Variants in VPS35L observed in about 807,000 individuals in gnomAD.
VPS35L encodes the protein VPS35 endosomal protein sorting factor like.
VPS35L carries 83 observed loss-of-function variants against 133.0 expected under a neutral mutation model. The ratio of observed to expected loss-of-function variants is 0.62; its 90% confidence interval spans 0.52 to 0.75. The LOEUF is 0.75. VPS35L is among the 30% of genes least tolerant of loss of function. The pLI, the probability that VPS35L is intolerant of heterozygous loss-of-function variation, is 0.00. For missense variants in VPS35L, 1,083 were observed against 1,206.8 expected, an observed-to-expected ratio of 0.90 and a Z score of 1.52; for synonymous variants, 423 against 449.9, an observed-to-expected ratio of 0.94 and a Z score of 0.76.
At chr16:19,616,488 A>C (rs538059503) in intron 13 of VPS35L, among the ~76,000 whole-genome samples, 198 bp from the exon 14 acceptor site, 2 of 151,806 alleles carry the variant, frequency 1.3e-5, no homozygotes, top group Admixed American at 1.3e-4. Context: ...CTCATTCCCA[A>C]AACAGCTCGG....
At chr16:19,562,452 T>C (rs1362178589) in intron 1 of VPS35L, among the ~76,000 whole-genome samples, 1 of 152,072 alleles carries the variant, frequency 6.6e-6, no homozygotes, top group African/African-American at 2.4e-5. Context: ...TTTGTCACTT[T>C]CCATACTAGC....
At chr16:19,560,350 T>G (rs2151497118) in intron 1 of VPS35L, among the ~76,000 whole-genome samples, 1 of 152,322 alleles carries the variant, frequency 6.6e-6, no homozygotes, top group South Asian at 2.1e-4. Context: ...CATATTTCTG[T>G]TTTGATCTAG....
At chr16:19,685,696 G>A (rs114559645) in intron 28 of VPS35L, among the ~76,000 whole-genome samples, 1 of 152,164 alleles carries the variant, frequency 6.6e-6, no homozygotes, top group South Asian at 2.1e-4. Context: ...TCTTTTTCAT[G>A]TCAGCTGTTC....
intron 21 of VPS35L, among the ~76,000 whole-genome samples, chr16:19,641,799 CA>C (rs55704202): frequency 0.35 from 52,615 of 151,970 alleles, 9,328 homozygotes; most frequent in East Asian, 0.37. Context: ...TAGTTAAAAA[CA>C]AACAAACAAA....
At chr16:19,628,502 C>A in intron 16 of VPS35L, 135 bp from the exon 17 acceptor site, 1 of 526,078 alleles carries the variant, frequency 1.9e-6, no homozygotes, top group Non-Finnish European at 3.4e-6. Flanking sequence ...TGTGATAGAA[C>A]TTTAGAAGGA....
intron 26 of VPS35L, 159 bp downstream of exon 26, chr16:19,652,249 T>C (rs1230753144): frequency 1.6e-6 from 1 of 607,622 alleles, no homozygotes; most frequent in Non-Finnish European, 2.9e-6. Context: ...CAATCATAGT[T>C]TCCTGTAACC....
intron 12 of VPS35L, among the ~76,000 whole-genome samples, chr16:19,612,969 G>A (rs1294922320): frequency 3.9e-5 from 6 of 152,116 alleles, no homozygotes; most frequent in Non-Finnish European, 5.9e-5. Flanking sequence ...CATTGATTCC[G>A]CTGGTTGGGT....
rs116184805 is a variant in VPS35L, at chr16:19,625,240, C to T, written c.1225-937C>T. Among the ~76,000 whole-genome samples, 731 of 152,218 alleles carry T rather than the reference C, an allele frequency of 4.8e-3. 8 individuals are homozygous for T. The highest frequency in any genetic ancestry group is 0.016 in the African/African-American group (661 of 41,542). ...ACCTTGGGTGAAAAACACTGCTATT[C>T]GTGGCTTTGTTTTTCATCTGTGAAA... On this transcript the variant is annotated intron_variant, in intron 14 of 30. Coordinates refer to ENST00000417362, the MANE Select transcript of VPS35L (RefSeq NM_020314.7).
intron 14 of VPS35L, among the ~76,000 whole-genome samples, chr16:19,624,419 C>T (rs919578208): frequency 2.6e-5 from 4 of 151,804 alleles, no homozygotes; most frequent in Non-Finnish European, 5.9e-5. Flanking sequence ...CCCATCTCTA[C>T]TAAAAATACA....
rs534807058 is a variant in VPS35L, at chr16:19,647,999, G to A, written c.2028+117G>A. On this transcript the variant is annotated intron_variant, in intron 24 of 30. Transcript: ENST00000417362. ...GACAGGGTCTCACTCTGTCACCCAGGCTAGAGTGCAGTGGCGCAATCATAG... is the reference window on the plus strand; with the variant it reads ...GACAGGGTCTCACTCTGTCACCCAGACTAGAGTGCAGTGGCGCAATCATAG... 36 of 945,272 alleles carry A rather than the reference G, an allele frequency of 3.8e-5. No individual in the cohort carries two copies. In the African/African-American group the frequency reaches 4.4e-4, roughly 12 times the overall value. The allele number at this position is 945,272 out of a possible 1,614,324, so 58.6% of individuals were successfully genotyped here.
chr16:19,639,992 TA>T lies in VPS35L; in HGVS notation c.1699-22del, dbSNP rs1973737426. 6.3e-7 allele frequency: 1 copy of T among 1,592,784 alleles called. No homozygotes were observed. The highest frequency in any genetic ancestry group is 1.1e-5 in the South Asian group (1 of 90,570). ...TCCAATAACTTGTGTCATTTGCATA[TA>T]GAGTGCTTGCTTTATTTATAGGAAA... On this transcript the variant is annotated intron_variant, in intron 20 of 30. Coordinates refer to ENST00000417362, the MANE Select transcript of VPS35L (RefSeq NM_020314.7). This position sits in a 1 kb window ranked among gnomAD's most constrained non-coding sequence, Gnocchi z 4.1.
intron 27 of VPS35L, among the ~76,000 whole-genome samples, chr16:19,675,722 G>GT (rs1248612110): frequency 1.3e-5 from 2 of 151,624 alleles, no homozygotes; most frequent in Non-Finnish European, 2.9e-5. Context: ...GCTAATTTTT[G>GT]TTTTTTTAGT....
chr16:19,655,319 A>G (rs759826738), intron 26 of VPS35L, among the ~76,000 whole-genome samples: 7 of 152,242 alleles, frequency 4.6e-5, no homozygotes, highest in Non-Finnish European at 8.8e-5. Flanking sequence ...TTCTCCTGAA[A>G]GCCACAGGCA....
At chr16:19,698,226 T>C (rs1206452682) in intron 29 of VPS35L, among the ~76,000 whole-genome samples, 1 of 152,206 alleles carries the variant, frequency 6.6e-6, no homozygotes, top group Non-Finnish European at 1.5e-5. Context: ...ACTGAGATCC[T>C]GTGTCTGTTG....
rs745950100 is a variant in VPS35L, at chr16:19,633,134, A to T, written c.1597A>T (p.Met533Leu). ...NTVLADVIKH[M>L]TPDRAFEDSY... is the part of the protein sequence containing the mutation. ...CGTTTTGGCAGATGTCATCAAGCACATGACTCCAGATCGTGCATTTGAAGA... is the reference window on the plus strand; with the variant it reads ...CGTTTTGGCAGATGTCATCAAGCACTTGACTCCAGATCGTGCATTTGAAGA... The change falls in exon 19 of 31, where the codon ATG becomes TTG. Residue 533 changes from methionine to leucine, a missense_variant. Coordinates refer to ENST00000417362, the MANE Select transcript of VPS35L (RefSeq NM_020314.7). The surrounding 1 kb of genome is among the most constrained non-coding windows in gnomAD (Gnocchi z 4.1). 1.2e-6 allele frequency: 2 copies of T among 1,614,122 alleles called. No homozygotes were observed. The highest frequency in any genetic ancestry group is 1.7e-6 in the Non-Finnish European group (2 of 1,180,044).
chr16:19,588,057 C>T (rs1364528616), intron 7 of VPS35L, among the ~76,000 whole-genome samples: 1 of 151,918 alleles, frequency 6.6e-6, no homozygotes, highest in African/African-American at 2.4e-5. Flanking sequence ...ACCTCGGCCT[C>T]CCAAAGTGCT....
intron 12 of VPS35L, 38 bp downstream of exon 12, chr16:19,610,453 G>A: frequency 1.3e-6 from 2 of 1,528,900 alleles, no homozygotes; most frequent in Non-Finnish European, 1.8e-6. Context: ...CGGCACGGCT[G>A]CCACCCGTCT....
chr16:19,632,198 A>G (rs997587407), intron 18 of VPS35L, among the ~76,000 whole-genome samples: 7 of 151,204 alleles, frequency 4.6e-5, no homozygotes, highest in African/African-American at 1.5e-4. Context: ...CCTGACCTCA[A>G]GCAATCCACC....
chr16:19,623,769 A>AT (rs1163490464), intron 14 of VPS35L, among the ~76,000 whole-genome samples: 101 of 29,310 alleles, frequency 3.4e-3, no homozygotes, highest in Non-Finnish European at 4.7e-3. Flanking sequence ...TTATTTATTT[A>AT]TTATTATTAT....
Sources: gnomAD v4.1 joint callset for allele counts (sites outside exome capture counted in the v4.1 genomes callset) on GRCh38, gnomAD v4.1.1 for gene constraint, Gnocchi (gnomAD v3.1) non-coding constraint, MANE v1.5 for transcripts, NCBI Gene and HGNC (gene_info 2026-07-23, HGNC 2026-07-21) for gene names.